Variants in C13orf42 observed in about 807,000 individuals in gnomAD.
C13orf42 encodes chromosome 13 open reading frame 42, also known as uncharacterized protein C13orf42.
chr13:51,170,960 T>G (rs1953945200), intron 1 of C13orf42, among the ~76,000 whole-genome samples: 2 of 151,162 alleles, frequency 1.3e-5, no homozygotes, highest in Non-Finnish European at 2.9e-5. Context: ...CCCCAACCTC[T>G]TATCTCTGTG....
intron 1 of C13orf42, chr13:51,162,436 C>T (rs1208777653): frequency 1.3e-5 from 2 of 152,556 alleles, no homozygotes; most frequent in Non-Finnish European, 2.9e-5. Context: ...TGACATTCTC[C>T]ATCTTGTCAT....
At chr13:51,156,130 G>A (rs527495078) in intron 1 of C13orf42, among the ~76,000 whole-genome samples, 1 of 152,288 alleles carries the variant, frequency 6.6e-6, no homozygotes, top group South Asian at 2.1e-4. Flanking sequence ...GGTTCTCTTG[G>A]GGAAGAAGGA....
chr13:51,147,227 T>TGG (rs60844557), intron 1 of C13orf42, among the ~76,000 whole-genome samples: 74,826 of 151,674 alleles, frequency 0.49, 18,636 homozygotes, highest in African/African-American at 0.56. Flanking sequence ...CTAGGTGTGG[T>TGG]GGGGACCCCC....
intron 1 of C13orf42, among the ~76,000 whole-genome samples, chr13:51,171,268 G>A (rs896683933): frequency 7.2e-5 from 11 of 152,180 alleles, no homozygotes; most frequent in African/African-American, 2.7e-4. Context: ...AAACTCGACA[G>A]TAGTTCCAAA....
At chr13:51,098,332 C>A (rs9563020) in intron 1 of C13orf42, among the ~76,000 whole-genome samples, 33,957 of 151,572 alleles carry the variant, frequency 0.22, 3,954 homozygotes, top group South Asian at 0.39. Flanking sequence ...GAGAACCCAG[C>A]CAATGCCAAG....
Position 51,110,851 on chromosome 13 carries a change from T to C in C13orf42, c.359A>G (p.Lys120Arg), listed in dbSNP as rs1371254743. The C allele has an allele frequency of 7.5e-6, 3 of 398,554 alleles. No homozygotes were observed. Among genetic ancestry groups the C allele is most frequent in the Non-Finnish European group, 8.8e-6 (2 of 226,096 alleles). 24.7% of individuals were successfully genotyped at this position (398,554 alleles called of 1,614,324 possible). ...RTQGISSTSS[K>R]SSKGGKKTPV... ...AGTCTTTTTCCCTCCCTTGGAGGAT[T>C]TGGAGGAGGTTGAGGAAATCCCCTG... Residue 120 changes from lysine to arginine, a missense_variant, in exon 1 of 4, where the codon AAA becomes AGA. Lys to Arg is a conservative substitution (Grantham distance 26, BLOSUM62 2). Coordinates refer to ENST00000563710, the MANE Select transcript of C13orf42 (RefSeq NM_001351589.3).
At chr13:51,106,541 T>C (rs1160790997) in intron 1 of C13orf42, among the ~76,000 whole-genome samples, 2 of 152,228 alleles carry the variant, frequency 1.3e-5, no homozygotes, top group Non-Finnish European at 2.9e-5. Flanking sequence ...AGCATGGCCT[T>C]ACACAAATCT....
chr13:51,163,926 G>T (rs573289705), intron 1 of C13orf42, among the ~76,000 whole-genome samples: 22 of 152,210 alleles, frequency 1.4e-4, no homozygotes, highest in Middle Eastern at 3.4e-3. Flanking sequence ...GGAGAATGAA[G>T]GAATTCAGAA....
intron 1 of C13orf42, among the ~76,000 whole-genome samples, chr13:51,136,613 C>T (rs1260199965): frequency 6.6e-6 from 1 of 152,144 alleles, no homozygotes; most frequent in Non-Finnish European, 1.5e-5. Flanking sequence ...GGACAAACTC[C>T]CCAAATGATT....
In C13orf42 at chr13:51,161,200, T is replaced by A. The variant is rs183165741; in HGVS notation, n.136+11053A>T. On this transcript the variant is annotated intron_variant and non_coding_transcript_variant, in intron 1 of 4. Transcript: ENST00000433280. ...AACAACTTCACTAATTCATATAACATTTCCCTAAATCATAATTTTATTGTT... is the reference window on the plus strand; with the variant it reads ...AACAACTTCACTAATTCATATAACAATTCCCTAAATCATAATTTTATTGTT... Among the ~76,000 whole-genome samples the A allele has an allele frequency of 2.3e-3, 350 of 150,936 alleles. 1 individual carries two copies. The highest frequency in any genetic ancestry group is 3.7e-3 in the Non-Finnish European group (251 of 67,604).
upstream of C13orf42, among the ~76,000 whole-genome samples, chr13:51,114,362 T>C (rs958262297): frequency 2.0e-5 from 3 of 152,230 alleles, no homozygotes; most frequent in African/African-American, 7.2e-5. Context: ...TGAGATACTA[T>C]ATCCTTTGCC....
chr13:51,140,737 G>A (rs1197297503), intron 1 of C13orf42, among the ~76,000 whole-genome samples: 1 of 152,080 alleles, frequency 6.6e-6, no homozygotes, highest in Admixed American at 6.6e-5. Context: ...TGGAAGGGAG[G>A]TCACTCCTTT....
chr13:51,153,628 TTC>T lies in C13orf42; in HGVS notation n.136+18623_136+18624del, dbSNP rs1953800805. Among the ~76,000 whole-genome samples, 35 of 141,352 alleles carry T rather than the reference TTC, an allele frequency of 2.5e-4. 1 individual carries two copies. Among genetic ancestry groups the T allele is most frequent in the African/African-American group, 6.3e-4 (23 of 36,634 alleles). 92.7% of individuals were successfully genotyped at this position (141,352 alleles called of 152,430 possible). ...CCCATTTTCTTGCTTTCTGTTTTTTTTCTTTTTTTTTTTTTTTTTTTTTTTTT... is the reference window on the plus strand; with the variant it reads ...CCCATTTTCTTGCTTTCTGTTTTTTTTTTTTTTTTTTTTTTTTTTTTTTTT... On this transcript the variant is annotated intron_variant and non_coding_transcript_variant, in intron 1 of 4. Transcript: ENST00000433280.
At chr13:51,113,065 T>C (rs1339611408), upstream of C13orf42, 2 of 152,214 alleles carry the variant, frequency 1.3e-5, no homozygotes, top group Non-Finnish European at 2.9e-5. Flanking sequence ...TTATTCTACA[T>C]GGATTTAGAG....
At chr13:51,090,601 TTCA>T (rs777380175) in intron 1 of C13orf42, among the ~76,000 whole-genome samples, 20 of 152,288 alleles carry the variant, frequency 1.3e-4, no homozygotes, top group Non-Finnish European at 2.8e-4. Context: ...CTTGTTTGTG[TTCA>T]TCATATTATT....
intron 1 of C13orf42, among the ~76,000 whole-genome samples, chr13:51,121,447 A>G (rs2138014039): frequency 6.6e-6 from 1 of 151,918 alleles, no homozygotes; most frequent in South Asian, 2.1e-4. Context: ...TGTATGGGGT[A>G]TTTTGGAAAT....
chr13:51,133,073 A>G (rs1369352274), intron 1 of C13orf42, among the ~76,000 whole-genome samples: 2 of 152,138 alleles, frequency 1.3e-5, no homozygotes, highest in African/African-American at 4.8e-5. Flanking sequence ...TCAAGAAATA[A>G]CCATAAAAAT....
chr13:51,157,523 T>A (rs1490918765), intron 1 of C13orf42, among the ~76,000 whole-genome samples: 1 of 152,170 alleles, frequency 6.6e-6, no homozygotes, highest in Admixed American at 6.5e-5. Context: ...TTGCCTTAGG[T>A]TCATTTTGCC....
At chr13:51,155,080 A>C (rs573773385) in intron 1 of C13orf42, among the ~76,000 whole-genome samples, 3 of 152,212 alleles carry the variant, frequency 2.0e-5, no homozygotes, top group Admixed American at 6.5e-5. Context: ...ATTCTTAACT[A>C]TCTCCTGGAT....
Sources: allele counts gnomAD v4.1 joint callset (sites outside exome capture counted in the v4.1 genomes callset), GRCh38; gene constraint gnomAD v4.1.1; transcripts MANE v1.5; gene names NCBI Gene and HGNC (gene_info 2026-07-23, HGNC 2026-07-21).